The following MYH9 variants were observed in gnomAD, a reference collection of about 807,000 sequenced individuals.
MYH9 encodes myosin heavy chain 9.
A neutral mutation model predicts 241.9 loss-of-function variants in MYH9; 29 were observed. That is an observed-to-expected ratio of 0.12 (90% CI 0.09 to 0.16). MYH9 has a LOEUF of 0.16. Ranked by LOEUF, MYH9 falls within the 10% of genes least tolerant of loss-of-function variation. The pLI, the probability that MYH9 is intolerant of heterozygous loss-of-function variation, is 1.00. For synonymous variants in MYH9, 1,047 were observed against 1,062.6 expected (o/e 0.99, Z 0.29); for missense variants, 1,803 against 2,595.5 (o/e 0.69, Z 6.63).
At chr22:36,336,748 C>T (rs1171938020) in intron 3 of MYH9, among the ~76,000 whole-genome samples, 2 of 152,252 alleles carry the variant, frequency 1.3e-5, no homozygotes, top group Non-Finnish European at 2.9e-5. Context: ...CCTCGCCACA[C>T]CTGACAAAAC....
rs931765755 is a variant in MYH9 at position 36,306,318 on chromosome 22, G to C, written c.2037+96C>G. ...ACGACTGAAGGCTCTGTGCATGCTG[G>C]GGGGCTGGAGGGGTGCTTTTGCTGG... is the stretch of plus-strand genomic sequence containing the variant. On this transcript the variant is annotated intron_variant, in intron 16 of 40. Coordinates refer to ENST00000216181, the MANE Select transcript of MYH9 (RefSeq NM_002473.6). This position sits in a 1 kb window ranked among gnomAD's most constrained non-coding sequence, Gnocchi z 4.1. 147 of 1,496,034 alleles carry C rather than the reference G, an allele frequency of 9.8e-5. No individual in the cohort carries two copies. Among genetic ancestry groups the C allele is most frequent in the Non-Finnish European group, 1.3e-4 (141 of 1,092,224 alleles). 92.7% of individuals were successfully genotyped at this position (1,496,034 alleles called of 1,614,324 possible). A position where few individuals can be genotyped will look rare whatever the true frequency, so the allele number is the denominator to read the frequency against.
intron 3 of MYH9, among the ~76,000 whole-genome samples, chr22:36,331,430 A>G (rs958152234): frequency 6.6e-6 from 1 of 152,202 alleles, no homozygotes; most frequent in Non-Finnish European, 1.5e-5. Flanking sequence ...CCATGCAGTG[A>G]GGGCATCTGA....
At chr22:36,377,941 T>C (rs751306098) in intron 1 of MYH9, among the ~76,000 whole-genome samples, 33 of 151,752 alleles carry the variant, frequency 2.2e-4, no homozygotes, top group Admixed American at 9.2e-4. Flanking sequence ...GAACGTGTAT[T>C]TCCTACCACC....
intron 1 of MYH9, among the ~76,000 whole-genome samples, chr22:36,370,728 G>A (rs1037430755): frequency 6.6e-6 from 1 of 152,238 alleles, no homozygotes; most frequent in African/African-American, 2.4e-5. Context: ...AGGCAGGGCA[G>A]CCTGGGAGCT....
At chr22:36,313,824 G>A (rs948874501) in intron 13 of MYH9, among the ~76,000 whole-genome samples, 7 of 152,142 alleles carry the variant, frequency 4.6e-5, no homozygotes, top group African/African-American at 1.4e-4. Context: ...TGCTTATCGA[G>A]CCCAGCCTTC....
intron 3 of MYH9, among the ~76,000 whole-genome samples, chr22:36,335,999 G>A (rs907692191): frequency 6.6e-6 from 1 of 152,212 alleles, no homozygotes; most frequent in African/African-American, 2.4e-5. Flanking sequence ...AGCGGCTGCT[G>A]GGTGACCAAC....
In MYH9 at chr22:36,284,131, G is replaced by A. The variant is rs754734600; in HGVS notation, c.5727C>T (p.Ala1909=). Residue 1909 remains alanine, a synonymous_variant, in exon 40 of 41, where the codon GCC becomes GCT. Transcript: ENST00000216181. ...ELEDATETAD[A]MNREVSSLKN... ...TTAGGGAGCTGACTTCGCGGTTCATGGCATCGGCCGTCTCAGTGGCGTCCT... is the reference window on the plus strand; with the variant it reads ...TTAGGGAGCTGACTTCGCGGTTCATAGCATCGGCCGTCTCAGTGGCGTCCT... The A allele has an allele frequency of 1.9e-6, 3 of 1,614,196 alleles. No homozygotes were observed. Among genetic ancestry groups the A allele is most frequent in the Non-Finnish European group, 2.5e-6 (3 of 1,180,026 alleles).
At chr22:36,366,506 G>A (rs2018013546) in intron 1 of MYH9, among the ~76,000 whole-genome samples, 1 of 152,156 alleles carries the variant, frequency 6.6e-6, no homozygotes, top group Non-Finnish European at 1.5e-5. Context: ...TTGGCAAAGT[G>A]AAGGGTCACG....
intron 1 of MYH9, among the ~76,000 whole-genome samples, chr22:36,357,689 C>T (rs548006911): frequency 2.0e-4 from 30 of 152,096 alleles, no homozygotes; most frequent in Non-Finnish European, 4.3e-4. Context: ...CTGAAGTGCA[C>T]GGGCCAAATC....
intron 3 of MYH9, among the ~76,000 whole-genome samples, chr22:36,328,253 T>C (rs535530504): frequency 5.7e-4 from 87 of 152,314 alleles, no homozygotes; most frequent in African/African-American, 2.1e-3. Flanking sequence ...CTCTATGAAC[T>C]GCTCGGCAAG....
In MYH9 at chr22:36,305,440, A is replaced by ACG. The variant is rs2016953176; in HGVS notation, c.2160-340_2160-339dup. Among the ~76,000 whole-genome samples the ACG allele has an allele frequency of 6.6e-6, 1 of 152,202 alleles. No homozygotes were observed. The highest frequency in any genetic ancestry group is 2.1e-4 in the South Asian group (1 of 4,828). ...GCCATGTTCACACAGCTTCCCTGGG[A>ACG]CGCTGCAGGGAGCTGCTAATAAACA... is the stretch of plus-strand genomic sequence containing the variant. On this transcript the variant is annotated intron_variant, in intron 17 of 40. Coordinates refer to ENST00000216181, the MANE Select transcript of MYH9 (RefSeq NM_002473.6). This position sits in a 1 kb window ranked among gnomAD's most constrained non-coding sequence, Gnocchi z 4.7.
chr22:36,302,765 G>GAAAGGCACC (rs2016901921), intron 19 of MYH9, 89 bp from the exon 20 acceptor site: 3 of 1,148,648 alleles, frequency 2.6e-6, no homozygotes, highest in Non-Finnish European at 3.9e-6. Context: ...TTTTCTGGGG[G>GAAAGGCACC]TCTACCCTTG....
In MYH9 at chr22:36,285,440, A is replaced by G. The variant is rs1194938084; in HGVS notation, c.5275-111T>C. 4 of 1,355,176 alleles carry G rather than the reference A, an allele frequency of 3.0e-6. No individual in the cohort carries two copies. In the African/African-American group the frequency reaches 5.7e-5, roughly 19 times the overall value. 83.9% of individuals were successfully genotyped at this position (1,355,176 alleles called of 1,614,324 possible). On this transcript the variant is annotated intron_variant, in intron 37 of 40. Coordinates refer to ENST00000216181, the MANE Select transcript of MYH9 (RefSeq NM_002473.6). The surrounding 1 kb of genome is among the most constrained non-coding windows in gnomAD (Gnocchi z 7.0). ...ATCCCACCAAACCCTTGGGGTCCAGAGTCTTGGGTCTCCCAGAAAAGGGAA... is the reference window on the plus strand; with the variant it reads ...ATCCCACCAAACCCTTGGGGTCCAGGGTCTTGGGTCTCCCAGAAAAGGGAA...
rs1823175067 is a variant in MYH9, at chr22:36,330,311, C to T, written c.491-2823G>A. ...GAGGCCTCCTCATTGCATCTCTTAC[C>T]GCACTGCTTAGTATCCTAAATCCAC... On this transcript the variant is annotated intron_variant, in intron 3 of 40. Coordinates refer to ENST00000216181, the MANE Select transcript of MYH9 (RefSeq NM_002473.6). The surrounding 1 kb of genome is among the most constrained non-coding windows in gnomAD (Gnocchi z 4.5). Among the ~76,000 whole-genome samples, 3 of 152,204 alleles carry T rather than the reference C, an allele frequency of 2.0e-5. No homozygotes were observed. Among genetic ancestry groups the T allele is most frequent in the Admixed American group, 2.0e-4 (3 of 15,284 alleles).
intron 20 of MYH9, 180 bp from the exon 21 acceptor site, chr22:36,301,845 C>T (rs768464023): frequency 2.2e-5 from 16 of 719,718 alleles, no homozygotes; most frequent in East Asian, 5.5e-5. Context: ...GCTTCTGACC[C>T]GCTAACTACA....
rs769199813 is a variant in MYH9, at chr22:36,316,602, C to T, written c.1295G>A (p.Arg432His). ...GGTCTTGTCCAGAGCCTTGTTGATG[C>T]GCAGCACCAGCCAGCGGAACATCCG... ...YERMFRWLVLRINKALDKTKR... is the reference protein window; with the variant it reads ...YERMFRWLVLHINKALDKTKR... The change falls in exon 12 of 41, where the codon CGC becomes CAC. Residue 432 changes from arginine (R) to histidine (H), a missense_variant. Around this residue, in one of 11 missense-constraint regions of MYH9, gnomAD observed 222 missense variants for 359.9 expected, o/e 0.62. Coordinates refer to ENST00000216181, the MANE Select transcript of MYH9 (RefSeq NM_002473.6). The T allele has an allele frequency of 3.1e-6, 5 of 1,614,084 alleles. No individual in the cohort carries two copies. The highest frequency in any genetic ancestry group is 1.1e-5 in the South Asian group (1 of 91,086).
At chr22:36,299,434 G>A (rs950190199) in intron 23 of MYH9, among the ~76,000 whole-genome samples, 3 of 152,122 alleles carry the variant, frequency 2.0e-5, no homozygotes, top group African/African-American at 4.8e-5. Context: ...GGTGGGCCAC[G>A]GCCCCTCCCC....
chr22:36,378,891 T>A (rs953079920), intron 1 of MYH9, among the ~76,000 whole-genome samples: 1 of 151,986 alleles, frequency 6.6e-6, no homozygotes, highest in Non-Finnish European at 1.5e-5. Flanking sequence ...GGAAAGGCAC[T>A]GGGTATGAGC....
At chr22:36,358,300 G>C (rs2017887799) in intron 1 of MYH9, among the ~76,000 whole-genome samples, 1 of 152,144 alleles carries the variant, frequency 6.6e-6, no homozygotes, top group South Asian at 2.1e-4. Flanking sequence ...CCTGAGCTCA[G>C]GCAATCCGCC....
Sources: allele counts gnomAD v4.1 joint callset (sites outside exome capture counted in the v4.1 genomes callset), GRCh38; gene constraint gnomAD v4.1.1; regional missense constraint gnomAD v4.1.1; non-coding constraint Gnocchi (gnomAD v3.1); transcripts MANE v1.5; gene names NCBI Gene and HGNC (gene_info 2026-07-23, HGNC 2026-07-21).